KDM2B: variants seen among roughly 807,000 people sequenced by gnomAD.
KDM2B encodes lysine-specific demethylase 2B.
Under a neutral mutation model 150.0 loss-of-function variants are expected in KDM2B, and 26 were observed. That is an observed-to-expected ratio of 0.17 (90% CI 0.13 to 0.24). The LOEUF (loss-of-function observed/expected upper bound fraction) is 0.24. KDM2B is among the 10% of genes least tolerant of loss of function. The pLI is 1.00. For missense variants in KDM2B, 1,265 were observed against 1,816.9 expected, an observed-to-expected ratio of 0.70 and a Z score of 5.52; for synonymous variants, 734 against 729.5, an observed-to-expected ratio of 1.01 and a Z score of -0.10.
intron 8 of KDM2B, among the ~76,000 whole-genome samples, chr12:121,523,293 G>A (rs531501363): frequency 1.3e-5 from 2 of 152,336 alleles, no homozygotes; most frequent in East Asian, 3.9e-4. Flanking sequence ...GAAACGCAGA[G>A]AGAAATAAGG....
chr12:121,417,419 T>C, the KDM2B span: 1 of 1,234,800 alleles, frequency 8.1e-7, no homozygotes, highest in Non-Finnish European at 1.1e-6. This position sits in a 1 kb window ranked among gnomAD's most constrained non-coding sequence, Gnocchi z 5.0. Context: ...GAACTAAAAT[T>C]AAATTTTAGT....
At chr12:121,522,170 G>T (rs1224405856) in intron 8 of KDM2B, among the ~76,000 whole-genome samples, 1 of 151,952 alleles carries the variant, frequency 6.6e-6, no homozygotes, top group East Asian at 1.9e-4. Context: ...AGTGGTCTAA[G>T]GGCTTTTCAG....
At chr12:121,552,828 T>C (rs1594111423) in intron 4 of KDM2B, among the ~76,000 whole-genome samples, 1 of 152,164 alleles carries the variant, frequency 6.6e-6, no homozygotes, top group East Asian at 1.9e-4. Flanking sequence ...TCGCTGGATA[T>C]TCTGGCCTTG....
upstream of KDM2B, chr12:121,581,046 C>G (rs1891938179): frequency 8.4e-7 from 1 of 1,192,862 alleles, no homozygotes; most frequent in Admixed American, 2.7e-5. Flanking sequence ...CAGACCAGAG[C>G]CTTTGCAGTC....
intron 9 of KDM2B, among the ~76,000 whole-genome samples, chr12:121,517,737 C>T (rs967088330): frequency 4.6e-5 from 7 of 151,280 alleles, no homozygotes; most frequent in Non-Finnish European, 8.8e-5. Flanking sequence ...TCCCAAAGTG[C>T]TGGGATTATA....
chr12:121,550,037 T>C (rs554722369), intron 4 of KDM2B, among the ~76,000 whole-genome samples: 1 of 151,518 alleles, frequency 6.6e-6, no homozygotes, highest in Non-Finnish European at 1.5e-5. Context: ...TGGCCAGGCA[T>C]GATGGCTCAT....
At position 121,452,999 on chromosome 12, in the gene KDM2B, G is replaced by C. The variant is rs1180596525; in HGVS notation, c.1959+121C>G. 8 of 887,814 alleles carry C rather than the reference G, an allele frequency of 9.0e-6. No homozygotes were observed. The highest frequency in any genetic ancestry group is 2.8e-5 in the East Asian group (1 of 35,916). The allele number at this position is 887,814 out of a possible 1,614,324, so 55.0% of individuals were successfully genotyped here. A position where few individuals can be genotyped will look rare whatever the true frequency, so the allele number is the denominator to read the frequency against. On this transcript the variant is annotated intron_variant, in intron 13 of 22. Coordinates refer to ENST00000377071, the MANE Select transcript of KDM2B (RefSeq NM_032590.5). The surrounding 1 kb of genome is among the most constrained non-coding windows in gnomAD (Gnocchi z 4.4). ...CCCGTCCACAGGAAGAGCTCTCGGG[G>C]AGTCCACAGCCCCGGCTTCTCTGTG...
At chr12:121,565,634 C>CT (rs1321967006) in intron 4 of KDM2B, among the ~76,000 whole-genome samples, 1 of 145,686 alleles carries the variant, frequency 6.9e-6, no homozygotes, top group Non-Finnish European at 1.5e-5. Flanking sequence ...ATTTTTTTTT[C>CT]TTTTTTCTGA....
intron 16 of KDM2B, 36 bp from the exon 17 acceptor site, chr12:121,443,829 C>A: frequency 7.0e-7 from 1 of 1,429,440 alleles, no homozygotes; most frequent in South Asian, 1.3e-5. Flanking sequence ...GAGTGACTCG[C>A]TGGTTTTCCC....
chr12:121,474,513 C>T (rs1283065582), intron 12 of KDM2B, among the ~76,000 whole-genome samples: 1 of 152,048 alleles, frequency 6.6e-6, no homozygotes, highest in Admixed American at 6.6e-5. Flanking sequence ...AAGACTCCAT[C>T]TCAAAAAAAT....
chr12:121,569,665 T>C (rs1890949891), intron 4 of KDM2B, among the ~76,000 whole-genome samples: 1 of 152,136 alleles, frequency 6.6e-6, no homozygotes, highest in African/African-American at 2.4e-5. Context: ...GAGACCGAAA[T>C]GGGCATAATA....
At chr12:121,433,128 A>C (rs1179993151) in intron 22 of KDM2B, 1 of 456,510 alleles carries the variant, frequency 2.2e-6, no homozygotes, top group Non-Finnish European at 4.4e-6. Context: ...AGGCTCATTC[A>C]TGCCCAGCCA....
chr12:121,519,454 A>G (rs552808009), intron 9 of KDM2B, among the ~76,000 whole-genome samples: 6 of 152,366 alleles, frequency 3.9e-5, no homozygotes, highest in African/African-American at 1.4e-4. Flanking sequence ...AGCCATGAAA[A>G]GGAATGAAGC....
At chr12:121,577,653 T>C (rs1430856755) in intron 2 of KDM2B, among the ~76,000 whole-genome samples, 1 of 152,188 alleles carries the variant, frequency 6.6e-6, no homozygotes, top group Non-Finnish European at 1.5e-5. Context: ...CACTCCAGGT[T>C]ATCAGCTCAC....
At position 121,444,552 on chromosome 12, in the gene KDM2B, G is replaced by A; in HGVS notation, c.2104-16C>T. 1 of 1,611,590 alleles carries A rather than the reference G, an allele frequency of 6.2e-7. No homozygotes were observed. Among genetic ancestry groups the A allele is most frequent in the African/African-American group, 1.3e-5 (1 of 75,020 alleles). ...ACTCCTTAATCTGCGGGGAACACCA[G>A]GACTCAGAAGAGGGACGGGCGGAGA... is the stretch of plus-strand genomic sequence containing the variant. On this transcript the variant is annotated splice_polypyrimidine_tract_variant and intron_variant, in intron 14 of 22. Transcript: ENST00000377071.
chr12:121,548,888 C>T lies in KDM2B; in HGVS notation c.672G>A (p.Pro224=), dbSNP rs1187389097. The T allele has an allele frequency of 6.8e-6, 11 of 1,613,756 alleles. No homozygotes were observed. The highest frequency in any genetic ancestry group is 6.7e-5 in the Admixed American group (4 of 59,998). The change falls in exon 6 of 23, where the codon CCG becomes CCA. Residue 224 remains proline, a synonymous_variant. Coordinates refer to ENST00000377071, the MANE Select transcript of KDM2B (RefSeq NM_032590.5). ...ATNAIAEMKY[P]KVKKYCLMSV... The stretch of plus-strand genomic sequence containing the variant: ...CCAGGCAGTCTTACTTTTTCACTTT[C>T]GGGTACTTCATCTCTGCAATGGCGT...
intron 11 of KDM2B, among the ~76,000 whole-genome samples, chr12:121,500,628 G>C (rs1402179515): frequency 6.6e-6 from 1 of 152,228 alleles, no homozygotes; most frequent in Non-Finnish European, 1.5e-5. Flanking sequence ...CCGGCAAAGG[G>C]AGGCGCAGCT....
At chr12:121,435,945 A>C (rs1309314555) in intron 22 of KDM2B, among the ~76,000 whole-genome samples, 1 of 152,198 alleles carries the variant, frequency 6.6e-6, no homozygotes, top group Non-Finnish European at 1.5e-5. Context: ...AAGCATCAGC[A>C]TTCAAGCTGA....
chr12:121,474,822 C>T (rs1881172687), intron 12 of KDM2B, among the ~76,000 whole-genome samples: 1 of 152,082 alleles, frequency 6.6e-6, no homozygotes, highest in Non-Finnish European at 1.5e-5. Flanking sequence ...CGTGGTGGTG[C>T]ACATCTGCAG....
Sources: allele counts gnomAD v4.1 joint callset (sites outside exome capture counted in the v4.1 genomes callset), GRCh38; gene constraint gnomAD v4.1.1; non-coding constraint Gnocchi (gnomAD v3.1); transcripts MANE v1.5; gene names NCBI Gene and HGNC (gene_info 2026-07-23, HGNC 2026-07-21).